The following XRN1 variants were observed in gnomAD, a reference collection of about 807,000 sequenced individuals.
XRN1 encodes the protein strand-exchange protein 1 homolog.
In XRN1, 67 loss-of-function variants were observed where a neutral mutation model predicts 222.3. The ratio of observed to expected loss-of-function variants is 0.30; its 90% CI spans 0.25 to 0.37. XRN1 has a LOEUF of 0.37. XRN1 is among the 10% of genes least tolerant of loss of function. The pLI is 1.00. For missense variants in XRN1, 1,707 were observed against 2,000.2 expected (o/e 0.85, Z 2.80); for synonymous variants, 643 against 652.4 (o/e 0.99, Z 0.22).
At chr3:142,343,385 C>T (rs777203603) in intron 33 of XRN1, among the ~76,000 whole-genome samples, 2 of 150,840 alleles carry the variant, frequency 1.3e-5, no homozygotes, top group Non-Finnish European at 2.9e-5. Context: ...ACCAGTGAGG[C>T]GAAGATTTCA....
intron 37 of XRN1, among the ~76,000 whole-genome samples, chr3:142,319,508 T>C (rs1383100077): frequency 6.6e-6 from 1 of 152,200 alleles, no homozygotes; most frequent in Non-Finnish European, 1.5e-5. Flanking sequence ...AAGCTTGTTT[T>C]GTTTTGGTTT....
At chr3:142,373,197 A>G (rs899507333) in intron 25 of XRN1, among the ~76,000 whole-genome samples, 2 of 152,158 alleles carry the variant, frequency 1.3e-5, no homozygotes, top group African/African-American at 2.4e-5. Context: ...AAGATGCTAT[A>G]TATAGCCAGA....
At chr3:142,328,724 TA>T (rs2065599251) in intron 37 of XRN1, among the ~76,000 whole-genome samples, 1 of 13,426 alleles carries the variant, frequency 7.4e-5, no homozygotes, top group Non-Finnish European at 1.2e-4. Flanking sequence ...TATATATATA[TA>T]TATATATATA....
intron 12 of XRN1, chr3:142,417,827 T>C (rs2068843015): frequency 6.6e-6 from 1 of 152,172 alleles, no homozygotes; most frequent in Non-Finnish European, 1.5e-5. Flanking sequence ...ACTTAGAAAT[T>C]ACATAACTAC....
intron 6 of XRN1, among the ~76,000 whole-genome samples, chr3:142,423,343 T>C (rs1053404889): frequency 6.6e-6 from 1 of 152,152 alleles, no homozygotes; most frequent in Non-Finnish European, 1.5e-5. Context: ...ATCAAAGATC[T>C]AACCATAAAA....
rs943501538 is a variant in XRN1 at position 142,347,405 on chromosome 3, A to T, written c.3769-63T>A. On this transcript the variant is annotated intron_variant, in intron 32 of 40. Transcript: ENST00000392981. ...AATATTATAACTACTTCTTATCTTC[A>T]ACTTTTAATAAATACATTTTTATAA... 3 of 989,444 alleles carry T rather than the reference A, an allele frequency of 3.0e-6. No individual in the cohort carries two copies. In the Admixed American group the frequency reaches 9.3e-5, roughly 31 times the overall value. 61.3% of individuals were successfully genotyped at this position (989,444 alleles called of 1,614,324 possible).
chr3:142,419,490 C>T (rs533564141), intron 10 of XRN1, among the ~76,000 whole-genome samples: 4 of 152,122 alleles, frequency 2.6e-5, no homozygotes, highest in African/African-American at 9.6e-5. Context: ...TAAATAGAAC[C>T]AGTACAGCAA....
intron 22 of XRN1, among the ~76,000 whole-genome samples, chr3:142,380,860 C>T (rs1278671908): frequency 6.6e-6 from 1 of 152,142 alleles, no homozygotes; most frequent in African/African-American, 2.4e-5. Context: ...GTTGCCCAGG[C>T]TGGTCTCAAA....
chr3:142,365,204 A>G, intron 28 of XRN1, 25 bp from the exon 29 acceptor site: 1 of 1,585,638 alleles, frequency 6.3e-7, no homozygotes, highest in Non-Finnish European at 8.5e-7. Flanking sequence ...GCTATTAATT[A>G]TAATAAACAA....
At chr3:142,315,460 A>T (rs1051358983) in intron 39 of XRN1, among the ~76,000 whole-genome samples, 11 of 151,768 alleles carry the variant, frequency 7.2e-5, no homozygotes, top group Admixed American at 5.3e-4. Flanking sequence ...AAATTACATT[A>T]AAAAAAATCA....
chr3:142,413,655 T>G (rs1247222363), intron 14 of XRN1, among the ~76,000 whole-genome samples: 1 of 152,250 alleles, frequency 6.6e-6, no homozygotes, highest in South Asian at 2.1e-4. Context: ...ATGAAATATG[T>G]TAACCAAAGA....
chr3:142,345,804 T>C (rs935032567), intron 33 of XRN1, among the ~76,000 whole-genome samples: 1 of 152,192 alleles, frequency 6.6e-6, no homozygotes, highest in Admixed American at 6.6e-5. Flanking sequence ...TTATTAGTCA[T>C]TAATAAATTA....
chr3:142,327,903 C>T (rs910914709), intron 37 of XRN1, among the ~76,000 whole-genome samples: 2 of 152,100 alleles, frequency 1.3e-5, no homozygotes, highest in Admixed American at 6.6e-5. Flanking sequence ...TATTTAGCTC[C>T]CACTTATAAA....
intron 12 of XRN1, 127 bp from the exon 13 acceptor site, chr3:142,417,356 G>T: frequency 2.8e-6 from 2 of 712,440 alleles, no homozygotes; most frequent in South Asian, 4.8e-5. Flanking sequence ...AGCTATTTAT[G>T]GCTAAAAATT....
Position 142,329,362 on chromosome 3 carries a change from A to C in XRN1, c.4404+72T>G, listed in dbSNP as rs1482216387. The C allele has an allele frequency of 2.6e-6, 3 of 1,143,114 alleles. No homozygotes were observed. In the East Asian group the frequency reaches 9.6e-5, roughly 37 times the overall value. 70.8% of individuals were successfully genotyped at this position (1,143,114 alleles called of 1,614,324 possible). A position where few individuals can be genotyped will look rare whatever the true frequency, so the allele number is the denominator to read the frequency against. Reference sequence around the variant, plus strand: ...AGGCCCCATTTTATTTTTTCTAGCTAAACATTTTCAACCAATTTATTTAAG... The same window carrying C: ...AGGCCCCATTTTATTTTTTCTAGCTCAACATTTTCAACCAATTTATTTAAG... On this transcript the variant is annotated intron_variant, in intron 37 of 40. Transcript: ENST00000392981.
At position 142,308,925 on chromosome 3, in the gene XRN1, AAG is replaced by A. The variant is rs1459041802; in HGVS notation, c.*2584_*2585del. On this transcript the variant is annotated 3_prime_UTR_variant, in exon 41 of 41. Transcript: ENST00000392981. Reference sequence around the variant, plus strand: ...GGTGGTCTTAGTCCACCCCATCTCAAAGAGAGAATTTTAAATTTCTTGAAGTC... The same window carrying A: ...GGTGGTCTTAGTCCACCCCATCTCAAAGAGAATTTTAAATTTCTTGAAGTC... 6.6e-6 allele frequency: 1 copy of A among 152,194 alleles called. No individual in the cohort carries two copies. The highest frequency in any genetic ancestry group is 2.4e-5 in the African/African-American group (1 of 41,452). 9.4% of individuals were successfully genotyped at this position (152,194 alleles called of 1,614,324 possible).
intron 1 of XRN1, chr3:142,435,996 C>G (rs1209009973): frequency 7.0e-6 from 1 of 142,418 alleles, no homozygotes. Flanking sequence ...GGAGGCGGAG[C>G]TTGCAGTGAG....
intron 33 of XRN1, among the ~76,000 whole-genome samples, chr3:142,342,946 T>G (rs553357819): frequency 6.6e-6 from 1 of 152,082 alleles, no homozygotes; most frequent in East Asian, 1.9e-4. Context: ...TTAAAAAACT[T>G]CTACACAGCA....
At chr3:142,355,908 C>T (rs760318069) in intron 31 of XRN1, among the ~76,000 whole-genome samples, 11 of 152,102 alleles carry the variant, frequency 7.2e-5, no homozygotes, top group Admixed American at 2.0e-4. Flanking sequence ...TGAGCTACCA[C>T]GTCCACCCCT....
Sources: gnomAD v4.1 joint callset for allele counts (sites outside exome capture counted in the v4.1 genomes callset) on GRCh38, gnomAD v4.1.1 for gene constraint, MANE v1.5 for transcripts, NCBI Gene and HGNC (gene_info 2026-07-23, HGNC 2026-07-21) for gene names.